CNTNAP2: variants seen among roughly 807,000 people sequenced by gnomAD.
The protein encoded by CNTNAP2 is contactin associated protein 2.
CNTNAP2 carries 98 observed loss-of-function variants against 155.2 expected under a neutral mutation model. That is an observed-to-expected ratio of 0.63 (90% CI 0.54 to 0.75). The LOEUF (loss-of-function observed/expected upper bound fraction) is 0.75. Among genes scored for constraint, CNTNAP2 ranks in the 30% least tolerant of loss-of-function variants. The probability of loss-of-function intolerance (pLI) is 0.00; values close to 1 mark genes in which losing one functional copy is unlikely to be tolerated. For missense variants in CNTNAP2, 1,727 were observed against 1,688.1 expected (o/e 1.02, Z -0.40); for synonymous variants, 651 against 631.2 (o/e 1.03, Z -0.47).
At chr7:146,872,305 C>G (rs1795329057) in intron 3 of CNTNAP2, among the ~76,000 whole-genome samples, 1 of 150,946 alleles carries the variant, frequency 6.6e-6, no homozygotes, top group African/African-American at 2.4e-5. Context: ...CTATGTATTT[C>G]AAATAGAATT....
At chr7:147,865,005 A>C (rs1178115805) in intron 13 of CNTNAP2, among the ~76,000 whole-genome samples, 1 of 152,162 alleles carries the variant, frequency 6.6e-6, no homozygotes, top group Non-Finnish European at 1.5e-5. Context: ...GTCTTGTGCC[A>C]GTTTTCAAAG....
chr7:146,371,855 A>G (rs1795241466), intron 1 of CNTNAP2, among the ~76,000 whole-genome samples: 1 of 151,686 alleles, frequency 6.6e-6, no homozygotes, highest in Admixed American at 6.6e-5. Flanking sequence ...GCTACTCGTG[A>G]GGCTGAGGCG....
At chr7:146,883,339 T>A (rs1795591270) in intron 3 of CNTNAP2, among the ~76,000 whole-genome samples, 1 of 152,182 alleles carries the variant, frequency 6.6e-6, no homozygotes, top group South Asian at 2.1e-4. Context: ...CACATACTTC[T>A]GATAATTGCA....
intron 4 of CNTNAP2, among the ~76,000 whole-genome samples, chr7:147,083,611 T>C (rs1054708686): frequency 1.4e-5 from 2 of 146,024 alleles, no homozygotes; most frequent in Non-Finnish European, 3.0e-5. Flanking sequence ...TATAATGCTA[T>C]ATATAAAAAA....
intron 2 of CNTNAP2, among the ~76,000 whole-genome samples, chr7:146,776,215 A>G (rs984643528): frequency 1.7e-4 from 26 of 152,174 alleles, no homozygotes; most frequent in African/African-American, 5.8e-4. Flanking sequence ...GTCCCAAGAG[A>G]GTGTACTGTT....
intron 15 of CNTNAP2, among the ~76,000 whole-genome samples, chr7:148,096,998 A>T (rs1319424762): frequency 1.3e-5 from 2 of 152,196 alleles, no homozygotes; most frequent in Non-Finnish European, 2.9e-5. Context: ...AGAGCTAGTG[A>T]ATGCCTTCTC....
intron 13 of CNTNAP2, among the ~76,000 whole-genome samples, chr7:147,714,268 T>A (rs1228545248): frequency 6.6e-6 from 1 of 151,858 alleles, no homozygotes; most frequent in Non-Finnish European, 1.5e-5. Flanking sequence ...TAAGGATGAG[T>A]GAAGAGGTAA....
chr7:147,746,459 G>A (rs2116495743), intron 13 of CNTNAP2, among the ~76,000 whole-genome samples: 1 of 152,252 alleles, frequency 6.6e-6, no homozygotes, highest in East Asian at 1.9e-4. Context: ...CTTCCGCTGG[G>A]ACGAGGACGA....
chr7:146,567,922 G>A (rs552076716), intron 1 of CNTNAP2, among the ~76,000 whole-genome samples: 189 of 152,206 alleles, frequency 1.2e-3, no homozygotes, highest in Non-Finnish European at 1.9e-3. Context: ...GGGTTTCACT[G>A]TGTTAGCCAG....
rs3080477 is a variant in CNTNAP2, at chr7:146,684,639, C to CA, written c.98-89612dup. On this transcript the variant is annotated intron_variant, in intron 1 of 23. Coordinates refer to ENST00000361727, the MANE Select transcript of CNTNAP2 (RefSeq NM_014141.6). ...GCTTCGAGCAATAATAGATCCAGCG[C>CA]AAAAAAAAAAAAAAAAAAAAGCTGG... Among the ~76,000 whole-genome samples the CA allele has an allele frequency of 3.8e-3, 238 of 63,440 alleles. 13 individuals carry two copies. The highest frequency in any genetic ancestry group is 0.013 in the East Asian group (22 of 1,668). 41.6% of individuals were successfully genotyped at this position (63,440 alleles called of 152,430 possible).
intron 16 of CNTNAP2, among the ~76,000 whole-genome samples, chr7:148,122,405 G>C (rs774430359): frequency 2.5e-4 from 38 of 152,296 alleles, no homozygotes; most frequent in Non-Finnish European, 4.3e-4. Flanking sequence ...TGATGGATAA[G>C]TAGAAGCCAG....
rs142579344 is a variant in CNTNAP2 at position 146,488,786 on chromosome 7, G to T, written c.98-285485G>T. On this transcript the variant is annotated intron_variant, in intron 1 of 23. Coordinates refer to ENST00000361727, the MANE Select transcript of CNTNAP2 (RefSeq NM_014141.6). ...TGGGATTTCAGGCACGTGCCACCAC[G>T]CCTGGCTAGTTTTTTGTGGAGACGG... 5.9e-3 allele frequency among the ~76,000 whole-genome samples: 904 copies of T among 152,122 alleles called. 9 individuals are homozygous for T. Among genetic ancestry groups the T allele is most frequent in the African/African-American group, 0.02 (834 of 41,518 alleles).
chr7:148,306,091 C>G (rs1294095094), intron 21 of CNTNAP2, among the ~76,000 whole-genome samples: 1 of 152,214 alleles, frequency 6.6e-6, no homozygotes, highest in Non-Finnish European at 1.5e-5. Flanking sequence ...TGAAATCAGA[C>G]TGAATACAGA....
intron 13 of CNTNAP2, among the ~76,000 whole-genome samples, chr7:147,853,806 G>C (rs969583883): frequency 3.3e-5 from 5 of 151,988 alleles, no homozygotes; most frequent in African/African-American, 1.2e-4. Flanking sequence ...TCACTGATTA[G>C]GCATTTGCTT....
intron 1 of CNTNAP2, among the ~76,000 whole-genome samples, chr7:146,143,367 A>T (rs1391526325): frequency 6.6e-6 from 1 of 152,186 alleles, no homozygotes; most frequent in Admixed American, 6.5e-5. Flanking sequence ...CTAAAATTAG[A>T]TGTTAAGTTA....
intron 1 of CNTNAP2, among the ~76,000 whole-genome samples, chr7:146,185,856 G>A (rs1798616305): frequency 6.6e-6 from 1 of 150,968 alleles, no homozygotes; most frequent in South Asian, 2.1e-4. Flanking sequence ...TTTGGTGTAG[G>A]TACTTGGAAT....
chr7:147,888,327 A>C lies in CNTNAP2; in HGVS notation c.2099-15238A>C, dbSNP rs1483743956. Among the ~76,000 whole-genome samples, 3 of 152,216 alleles carry C rather than the reference A, an allele frequency of 2.0e-5. No individual in the cohort carries two copies. In the East Asian group the frequency reaches 5.8e-4, roughly 29 times the overall value. On this transcript the variant is annotated intron_variant, in intron 13 of 23. Coordinates refer to ENST00000361727, the MANE Select transcript of CNTNAP2 (RefSeq NM_014141.6). ...TAGATAAAATTAAAAGCTTAATGTTAGAGATAAATAGCAGTTTCTACCCAG... is the reference window on the plus strand; with the variant it reads ...TAGATAAAATTAAAAGCTTAATGTTCGAGATAAATAGCAGTTTCTACCCAG...
chr7:147,002,005 G>T (rs1200100680), intron 3 of CNTNAP2, among the ~76,000 whole-genome samples: 1 of 151,750 alleles, frequency 6.6e-6, no homozygotes, highest in Non-Finnish European at 1.5e-5. Flanking sequence ...AATATGTTTA[G>T]AGAAATAAAG....
intron 2 of CNTNAP2, among the ~76,000 whole-genome samples, chr7:146,791,098 T>A (rs1400370918): frequency 1.4e-4 from 21 of 151,612 alleles, no homozygotes. Context: ...GGCCCCAGTG[T>A]GTGATGTCCC....
Sources: gnomAD v4.1 joint callset for allele counts (sites outside exome capture counted in the v4.1 genomes callset) on GRCh38, gnomAD v4.1.1 for gene constraint, MANE v1.5 for transcripts, NCBI Gene and HGNC (gene_info 2026-07-23, HGNC 2026-07-21) for gene names.